The following LRTM2 variants were observed in gnomAD, a reference collection of about 807,000 sequenced individuals.
LRTM2 encodes leucine rich repeat transmembrane protein 2.
LRTM2 carries 18 observed loss-of-function variants against 28.1 expected under a neutral mutation model. The ratio of observed to expected loss-of-function variants is 0.64; its 90% CI spans 0.44 to 0.95. LRTM2 has a LOEUF of 0.95. Among genes scored for constraint, LRTM2 ranks in the 40% least tolerant of loss-of-function variants. The pLI, the probability that LRTM2 is intolerant of heterozygous loss-of-function variation, is 0.00. For missense variants in LRTM2, 436 were observed against 497.2 expected (o/e 0.88, Z 1.17); for synonymous variants, 250 against 218.7 (o/e 1.14, Z -1.26).
rs1302922323 is a variant in LRTM2, at chr12:1,829,567, A to G, written c.67+1352A>G. Reference sequence around the variant, plus strand: ...ACGTGTCAGCTCTCAGCTGTCATCGATCCTCCAGGCAGGGAAGGGGAGAGT... The same window carrying G: ...ACGTGTCAGCTCTCAGCTGTCATCGGTCCTCCAGGCAGGGAAGGGGAGAGT... On this transcript the variant is annotated intron_variant, in intron 3 of 4. Coordinates refer to ENST00000299194, the MANE Select transcript of LRTM2 (RefSeq NM_001039029.3). The surrounding 1 kb of genome is among the most constrained non-coding windows in gnomAD (Gnocchi z 4.2). Among the ~76,000 whole-genome samples, 3 of 151,976 alleles carry G rather than the reference A, an allele frequency of 2.0e-5. No homozygotes were observed. The highest frequency in any genetic ancestry group is 4.4e-5 in the Non-Finnish European group (3 of 67,986).
intron 1 of LRTM2, among the ~76,000 whole-genome samples, chr12:1,825,992 G>A (rs1003820822): frequency 5.3e-5 from 8 of 152,354 alleles, no homozygotes; most frequent in African/African-American, 1.4e-4. Flanking sequence ...GCACGCTGCT[G>A]TTTGAAGGCA....
At position 1,829,173 on chromosome 12, in the gene LRTM2, G is replaced by T. The variant is rs540490806; in HGVS notation, c.67+958G>T. Among the ~76,000 whole-genome samples, 8 of 152,292 alleles carry T rather than the reference G, an allele frequency of 5.3e-5. No individual in the cohort carries two copies. The South Asian group carries it at 6.2e-4, about 12-fold the overall frequency. ...ACCTTGATCTCCAGGGAGGTGGGGG[G>T]CGCAGGGAGTCGCTCTTCCGCAGCG... On this transcript the variant is annotated intron_variant, in intron 3 of 4. Transcript: ENST00000299194. The surrounding 1 kb of genome is among the most constrained non-coding windows in gnomAD (Gnocchi z 4.2).
Position 1,831,508 on chromosome 12 carries a change from A to T in LRTM2, c.641A>T (p.Glu214Val). 6.2e-7 allele frequency: 1 copy of T among 1,613,062 alleles called. No individual in the cohort carries two copies. The highest frequency in any genetic ancestry group is 8.5e-7 in the Non-Finnish European group (1 of 1,179,684). Residue 214 changes from glutamate (E) to valine (V), a missense_variant, in exon 4 of 5, where the codon GAG becomes GTG. Glu to Val is a moderately radical substitution (Grantham distance 121, BLOSUM62 -2). Coordinates refer to ENST00000299194, the MANE Select transcript of LRTM2 (RefSeq NM_001039029.3). ...CTGCGTGAGTTCAAACACTGGATGG[A>T]GTGGTTCTCCTACCGAGGTGAGCGC... ...CNLREFKHWM[E>V]WFSYRGGRLD...
In LRTM2 at chr12:1,831,348, G is replaced by A. The variant is rs41276696; in HGVS notation, c.481G>A (p.Asp161Asn). ...GGCCCAGTTGCCCCCTGGTCTTTTC[G>A]ACGGGCTCCTGGCTCTGCGCTCCCT... ...GLAQLPPGLF[D>N]GLLALRSLSL... Residue 161 changes from aspartate to asparagine, a missense_variant, in exon 4 of 5, where the codon GAC (aspartate) becomes AAC (asparagine). Physicochemically the swap from Asp to Asn is conservative, Grantham distance 23. Transcript: ENST00000299194. 65,535 of 1,613,810 alleles carry A rather than the reference G, an allele frequency of 0.041. 1,537 individuals carry two copies. The highest frequency in any genetic ancestry group is 0.054 in the Admixed American group (3,221 of 60,022).
chr12:1,825,748 C>T (rs896389474), intron 1 of LRTM2, among the ~76,000 whole-genome samples: 2 of 152,122 alleles, frequency 1.3e-5, no homozygotes, highest in African/African-American at 2.4e-5. Context: ...TCTGTGCACA[C>T]GTAAGTATCT....
chr12:1,824,213 G>A (rs1157871938), intron 1 of LRTM2, among the ~76,000 whole-genome samples: 2 of 152,176 alleles, frequency 1.3e-5, no homozygotes, highest in Non-Finnish European at 2.9e-5. Context: ...CCTGCTGAGA[G>A]GTGCCCGGCC....
chr12:1,834,813 T>G lies in LRTM2; in HGVS notation c.*92T>G. On this transcript the variant is annotated 3_prime_UTR_variant, in exon 5 of 5. Transcript: ENST00000299194. This position sits in a 1 kb window ranked among gnomAD's most constrained non-coding sequence, Gnocchi z 7.6. ...CCCACCTTGACCCGGCGCTGGCCAC[T>G]GCCTCCCCGAGTCCACCCTCCTCCC... is the stretch of plus-strand genomic sequence containing the variant. The G allele has an allele frequency of 1.4e-6, 2 of 1,453,912 alleles. No homozygotes were observed. The highest frequency in any genetic ancestry group is 1.8e-6 in the Non-Finnish European group (2 of 1,106,616). The allele number at this position is 1,453,912 out of a possible 1,614,324, so 90.1% of individuals were successfully genotyped here.
intron 1 of LRTM2, among the ~76,000 whole-genome samples, chr12:1,827,053 G>A (rs1864361342): frequency 6.6e-6 from 1 of 152,244 alleles, no homozygotes; most frequent in African/African-American, 2.4e-5. Flanking sequence ...GAGGCTGGGA[G>A]CCGCCTGGAG....
intron 1 of LRTM2, among the ~76,000 whole-genome samples, chr12:1,824,395 C>A (rs11061989): frequency 0.066 from 10,083 of 152,268 alleles, 817 homozygotes; most frequent in African/African-American, 0.19. Flanking sequence ...GGTCTACACT[C>A]AAAGCCCCAT....
Position 1,828,018 on chromosome 12 carries a change from C to A in LRTM2, c.-73-58C>A. The A allele has an allele frequency of 1.4e-6, 1 of 733,776 alleles. No homozygotes were observed. Among genetic ancestry groups the A allele is most frequent in the Non-Finnish European group, 2.1e-6 (1 of 484,012 alleles). The allele number at this position is 733,776 out of a possible 1,614,324, so 45.5% of individuals were successfully genotyped here. ...AGACACCCGGGCCCTCTCCCTAACC[C>A]CTGGGCTGGAACGGGGCTCCCGCGC... On this transcript the variant is annotated intron_variant, in intron 2 of 4. Transcript: ENST00000299194. The surrounding 1 kb of genome is among the most constrained non-coding windows in gnomAD (Gnocchi z 4.2).
intron 1 of LRTM2, among the ~76,000 whole-genome samples, chr12:1,824,501 C>T (rs572468151): frequency 7.7e-4 from 117 of 152,294 alleles, no homozygotes; most frequent in African/African-American, 2.6e-3. Flanking sequence ...CCAGGGACTC[C>T]GTGGAGGCCT....
At position 1,834,673 on chromosome 12, in the gene LRTM2, C is replaced by T. The variant is rs1289565278; in HGVS notation, c.1065C>T (p.Asp355=). The change falls in exon 5 of 5, where the codon GAC becomes GAT. Residue 355 remains aspartate, a synonymous_variant. Transcript: ENST00000299194. The surrounding 1 kb of genome is among the most constrained non-coding windows in gnomAD (Gnocchi z 7.6). The part of the protein sequence containing the change: ...ELKKRQPLMG[D]PEGEHEDQKQ... Reference sequence around the variant, plus strand: ...AAAAGCGCCAGCCCCTGATGGGGGACCCCGAGGGCGAGCACGAGGACCAGA... The same window carrying T: ...AAAAGCGCCAGCCCCTGATGGGGGATCCCGAGGGCGAGCACGAGGACCAGA... The T allele has an allele frequency of 6.2e-7, 1 of 1,601,766 alleles. No homozygotes were observed. The highest frequency in any genetic ancestry group is 1.7e-5 in the Admixed American group (1 of 59,998).
At chr12:1,821,644 C>A (rs1047099974) in intron 1 of LRTM2, among the ~76,000 whole-genome samples, 1 of 152,156 alleles carries the variant, frequency 6.6e-6, no homozygotes, top group Non-Finnish European at 1.5e-5. Context: ...CGGGGCCAGG[C>A]CTGCCTGGCT....
At position 1,831,033 on chromosome 12, in the gene LRTM2, G is replaced by T; in HGVS notation, c.166G>T (p.Gly56Cys). ...CCGCAGCCTGGAGGTGGACTGCAGT[G>T]GCCTTGGCCTCACCACGGTGCCCCC... ...DSRSLEVDCS[G>C]LGLTTVPPDV... Residue 56 changes from glycine to cysteine, a missense_variant, in exon 4 of 5, where the codon GGC becomes TGC. Physicochemically the swap from Gly to Cys is radical, Grantham distance 159. Coordinates refer to ENST00000299194, the MANE Select transcript of LRTM2 (RefSeq NM_001039029.3). 6.2e-7 allele frequency: 1 copy of T among 1,614,086 alleles called. No individual in the cohort carries two copies. The highest frequency in any genetic ancestry group is 2.2e-5 in the East Asian group (1 of 44,878).
intron 2 of LRTM2, chr12:1,827,837 C>G: frequency 5.8e-6 from 2 of 344,210 alleles, no homozygotes; most frequent in Non-Finnish European, 1.0e-5. Context: ...GGTGCACCCC[C>G]AGCTTTGCGG....
Position 1,824,871 on chromosome 12 carries a change from C to G in LRTM2, c.-258-2539C>G, listed in dbSNP as rs142324459. Among the ~76,000 whole-genome samples the G allele has an allele frequency of 9.7e-3, 1,478 of 152,294 alleles. 13 individuals carry two copies. The highest frequency in any genetic ancestry group is 0.015 in the Admixed American group (226 of 15,306). On this transcript the variant is annotated intron_variant, in intron 1 of 4. Coordinates refer to ENST00000299194, the MANE Select transcript of LRTM2 (RefSeq NM_001039029.3). ...AGGAGTCCCTCTGTGGTGCCACACA[C>G]ATATGACTGGTGTTCCCTGCAAGCT...
In LRTM2 at chr12:1,835,422, T is replaced by TAC. The variant is rs137889817; in HGVS notation, c.*722_*723dup. Reference sequence around the variant, plus strand: ...CGGTCACATGGATTGAAAGAATTAATACACACACACACACACACACACTCA... The same window carrying TAC: ...CGGTCACATGGATTGAAAGAATTAATACACACACACACACACACACACACTCA... On this transcript the variant is annotated 3_prime_UTR_variant, in exon 5 of 5. Transcript: ENST00000299194. 947 of 150,614 alleles carry TAC rather than the reference T, an allele frequency of 6.3e-3. 5 individuals carry two copies. The highest frequency in any genetic ancestry group is 0.011 in the African/African-American group (461 of 40,896). The allele number at this position is 150,614 out of a possible 1,614,324, so 9.3% of individuals were successfully genotyped here. A position where few individuals can be genotyped will look rare whatever the true frequency, so the allele number is the denominator to read the frequency against.
At chr12:1,830,312 T>C (rs1367088841) in intron 3 of LRTM2, among the ~76,000 whole-genome samples, 1 of 152,182 alleles carries the variant, frequency 6.6e-6, no homozygotes, top group Non-Finnish European at 1.5e-5. Flanking sequence ...GGCGTCATCA[T>C]GGGTGTGGGA....
rs1335235889 is a variant in LRTM2 at position 1,828,113 on chromosome 12, C to A, written c.-36C>A. The A allele has an allele frequency of 2.0e-6, 3 of 1,501,052 alleles. No individual in the cohort carries two copies. The South Asian group carries it at 3.9e-5, about 19-fold the overall frequency. The allele number at this position is 1,501,052 out of a possible 1,614,324, so 93.0% of individuals were successfully genotyped here. On this transcript the variant is annotated 5_prime_UTR_variant, in exon 3 of 5. Coordinates refer to ENST00000299194, the MANE Select transcript of LRTM2 (RefSeq NM_001039029.3). The surrounding 1 kb of genome is among the most constrained non-coding windows in gnomAD (Gnocchi z 4.2). ...GCGCACCCAGGGGCTCCTCTCTCCC[C>A]AGAGCGACAGGGCCCGGAGAGCCGT...
Sources: gnomAD v4.1 joint callset for allele counts (sites outside exome capture counted in the v4.1 genomes callset) on GRCh38, gnomAD v4.1.1 for gene constraint, Gnocchi (gnomAD v3.1) non-coding constraint, MANE v1.5 for transcripts, NCBI Gene and HGNC (gene_info 2026-07-23, HGNC 2026-07-21) for gene names.